Variants in NF2 observed in about 807,000 individuals in gnomAD.
NF2 encodes the protein NF2, moesin-ezrin-radixin like (MERLIN) tumor suppressor, also known as merlin.
Under a neutral mutation model 83.7 loss-of-function variants are expected in NF2, and 8 were observed. That is an observed-to-expected ratio of 0.10 (90% CI 0.06 to 0.17). NF2 has a LOEUF of 0.17. Among genes scored for constraint, NF2 ranks in the 10% least tolerant of loss-of-function variants. The pLI, the probability that NF2 is intolerant of heterozygous loss-of-function variation, is 1.00. For synonymous variants in NF2, 266 were observed against 269.6 expected, an observed-to-expected ratio of 0.99 and a Z score of 0.13; for missense variants, 533 against 744.4, an observed-to-expected ratio of 0.72 and a Z score of 3.31.
chr22:29,639,881 CAAAAAAAAAAAAAA>C (rs763315832), intron 3 of NF2, among the ~76,000 whole-genome samples: 11 of 21,200 alleles, frequency 5.2e-4, no homozygotes, highest in South Asian at 1.8e-3. Context: ...GGTTCCGTCT[CAAAAAAAAAAAAAA>C]AAAAAAAAAA....
chr22:29,610,253 TGA>T (rs1055218322), intron 1 of NF2, among the ~76,000 whole-genome samples: 15 of 151,450 alleles, frequency 9.9e-5, no homozygotes, highest in African/African-American at 3.6e-4. Context: ...GGTTAAGGTG[TGA>T]GGATCACTTG....
chr22:29,628,689 G>A (rs1180495543), intron 1 of NF2, among the ~76,000 whole-genome samples: 2 of 148,070 alleles, frequency 1.4e-5, no homozygotes, highest in African/African-American at 5.1e-5. Context: ...GGAGTGCAGT[G>A]GCGTGATCTT....
chr22:29,631,365 C>T (rs1226075422), intron 1 of NF2, among the ~76,000 whole-genome samples: 1 of 152,146 alleles, frequency 6.6e-6, no homozygotes, highest in African/African-American at 2.4e-5. Flanking sequence ...AGACCTTACT[C>T]CCGGAGACCC....
At chr22:29,637,246 G>A (rs976020922) in intron 2 of NF2, among the ~76,000 whole-genome samples, 1 of 152,142 alleles carries the variant, frequency 6.6e-6, no homozygotes, top group Non-Finnish European at 1.5e-5. Context: ...AGAGAGTATT[G>A]GGGCTTGTGT....
rs1160614926 is a variant in NF2 at position 29,642,283 on chromosome 22, A to G, written c.445A>G (p.Lys149Glu). Residue 149 changes from lysine (K) to glutamate (E), a missense_variant and splice_region_variant, in exon 4 of 16, where the codon AAG becomes GAG. Coordinates refer to ENST00000338641, the MANE Select transcript of NF2 (RefSeq NM_000268.4). ...CCTGGCTTCTTACGCCGTCCAGGCCAAGGTAGGCTCAAAGAAGAAAAATGT... is the reference window on the plus strand; with the variant it reads ...CCTGGCTTCTTACGCCGTCCAGGCCGAGGTAGGCTCAAAGAAGAAAAATGT... ...VLLASYAVQA[K>E]YGDYDPSVHK... The G allele has an allele frequency of 6.2e-7, 1 of 1,613,880 alleles. No individual in the cohort carries two copies. Among genetic ancestry groups the G allele is most frequent in the South Asian group, 1.1e-5 (1 of 91,084 alleles).
chr22:29,630,032 G>T (rs1297066883), intron 1 of NF2, among the ~76,000 whole-genome samples: 1 of 152,202 alleles, frequency 6.6e-6, no homozygotes, highest in East Asian at 1.9e-4. Context: ...TGTTGTATCA[G>T]CAGGTACTAG....
chr22:29,640,194 TAAAAAAAAAA>T (rs11379333), intron 3 of NF2, among the ~76,000 whole-genome samples: 6 of 92,796 alleles, frequency 6.5e-5, no homozygotes, highest in African/African-American at 2.0e-4. Context: ...GACTCTGTCT[TAAAAAAAAAA>T]AAAAAAAAAA....
chr22:29,642,460 A>C (rs2065837955), intron 4 of NF2, among the ~76,000 whole-genome samples, 175 bp downstream of exon 4: 1 of 151,860 alleles, frequency 6.6e-6, no homozygotes, highest in African/African-American at 2.4e-5. Context: ...GTGTTTGTAT[A>C]ATCTTGTGTG....
At chr22:29,624,811 T>TTC (rs906192214) in intron 1 of NF2, among the ~76,000 whole-genome samples, 3 of 79,668 alleles carry the variant, frequency 3.8e-5, no homozygotes, top group African/African-American at 1.6e-4. Flanking sequence ...CTTTCTTTCT[T>TTC]TCTTTCTTTC....
At chr22:29,670,503 T>TTG (rs131255) in intron 10 of NF2, among the ~76,000 whole-genome samples, 5,143 of 146,380 alleles carry the variant, frequency 0.035, 139 homozygotes, top group African/African-American at 0.069. Context: ...CTTTTTGAGC[T>TTG]TGTGTGTGTG....
intron 15 of NF2, among the ~76,000 whole-genome samples, chr22:29,689,488 C>T (rs922611328): frequency 1.3e-5 from 2 of 152,016 alleles, no homozygotes; most frequent in African/African-American, 4.8e-5. Flanking sequence ...GATTTTAGGG[C>T]TCACATTTCA....
At chr22:29,682,395 G>A (rs1449831354) in intron 15 of NF2, among the ~76,000 whole-genome samples, 2 of 152,162 alleles carry the variant, frequency 1.3e-5, no homozygotes, top group African/African-American at 2.4e-5. Flanking sequence ...TAGGCTTCCA[G>A]TTTTATGGAC....
At position 29,603,937 on chromosome 22, in the gene NF2, G is replaced by T. The variant is rs1056830950; in HGVS notation, c.-62G>T. 3.0e-5 allele frequency: 39 copies of T among 1,320,414 alleles called. No homozygotes were observed. The highest frequency in any genetic ancestry group is 3.9e-5 in the Non-Finnish European group (37 of 944,962). The allele number at this position is 1,320,414 out of a possible 1,614,324, so 81.8% of individuals were successfully genotyped here. A position where few individuals can be genotyped will look rare whatever the true frequency, so the allele number is the denominator to read the frequency against. On this transcript the variant is annotated 5_prime_UTR_variant, in exon 1 of 16. Coordinates refer to ENST00000338641, the MANE Select transcript of NF2 (RefSeq NM_000268.4). ...TGAGGCCTGTGCAGCAACTCCAGGG[G>T]GGCTAAAGGGCTCAGAGTGCAGGCC... is the stretch of plus-strand genomic sequence containing the variant.
rs111543386 is a variant in NF2 at position 29,620,762 on chromosome 22, G to A, written c.115-15989G>A. Among the ~76,000 whole-genome samples, 332 of 151,988 alleles carry A rather than the reference G, an allele frequency of 2.2e-3. 3 individuals are homozygous for A. The highest frequency in any genetic ancestry group is 7.5e-3 in the African/African-American group (311 of 41,474). ...TAGAGATGGGGGTCTCCCTACGTTG[G>A]TTGCTCAGGCTGGTCTCAAACTCCT... is the stretch of plus-strand genomic sequence containing the variant. On this transcript the variant is annotated intron_variant, in intron 1 of 15. Coordinates refer to ENST00000338641, the MANE Select transcript of NF2 (RefSeq NM_000268.4).
chr22:29,687,056 C>T (rs2067286900), intron 15 of NF2, among the ~76,000 whole-genome samples: 1 of 152,112 alleles, frequency 6.6e-6, no homozygotes, highest in Non-Finnish European at 1.5e-5. Context: ...GAATGCAGTC[C>T]TGGAATATAT....
At chr22:29,654,773 C>A (rs2146968045) in intron 5 of NF2, 48 bp downstream of exon 5, 1 of 1,433,660 alleles carries the variant, frequency 7.0e-7, no homozygotes, top group Non-Finnish European at 9.8e-7. Context: ...GATATGTGGT[C>A]TAAAAGAAAG....
In NF2 at chr22:29,684,950, A is replaced by G. The variant is rs116797252; in HGVS notation, c.1737+3349A>G. Reference sequence around the variant, plus strand: ...GCTGCAGTCTGGCTGGCACAAGCCTAGCTGAAGAGAAGTACTGCTTTAGGC... The same window carrying G: ...GCTGCAGTCTGGCTGGCACAAGCCTGGCTGAAGAGAAGTACTGCTTTAGGC... On this transcript the variant is annotated intron_variant, in intron 15 of 15. Transcript: ENST00000338641. 8.3e-3 allele frequency among the ~76,000 whole-genome samples: 1,263 copies of G among 151,736 alleles called. 17 individuals are homozygous for G. Among genetic ancestry groups the G allele is most frequent in the African/African-American group, 0.03 (1,226 of 41,298 alleles).
At chr22:29,683,303 T>C in intron 15 of NF2, 1 of 1,432,634 alleles carries the variant, frequency 7.0e-7, no homozygotes, top group East Asian at 2.5e-5. Flanking sequence ...GTCATGGGGC[T>C]GTAGGACCAG....
At chr22:29,678,735 A>C (rs1019874326) in intron 14 of NF2, among the ~76,000 whole-genome samples, 4 of 152,188 alleles carry the variant, frequency 2.6e-5, no homozygotes, top group Non-Finnish European at 5.9e-5. Flanking sequence ...TCTAGAACAA[A>C]CAAAGGTGAG....
Sources: gnomAD v4.1 joint callset for allele counts (sites outside exome capture counted in the v4.1 genomes callset) on GRCh38, gnomAD v4.1.1 for gene constraint, MANE v1.5 for transcripts, NCBI Gene and HGNC (gene_info 2026-07-23, HGNC 2026-07-21) for gene names.